HIVEP3: variants seen among roughly 807,000 people sequenced by gnomAD.
The protein encoded by HIVEP3 is HIVEP zinc finger 3, also known as transcription factor HIVEP3.
In HIVEP3, 49 loss-of-function variants were observed where a neutral mutation model predicts 152.8. The observed-to-expected ratio is 0.32, with a 90% CI of 0.26 to 0.41. HIVEP3 has a LOEUF of 0.41. HIVEP3 is among the 10% of genes least tolerant of loss of function. The pLI is 1.00. For missense variants in HIVEP3, 2,790 were observed against 3,103.3 expected (o/e 0.90, Z 2.40); for synonymous variants, 1,269 against 1,289.0 (o/e 0.98, Z 0.33).
At chr1:41,802,957 A>T (rs1650392253) in intron 1 of HIVEP3, among the ~76,000 whole-genome samples, 1 of 152,226 alleles carries the variant, frequency 6.6e-6, no homozygotes, top group Admixed American at 6.5e-5. Context: ...ACACGCTCAG[A>T]AACCCTAGGA....
intron 1 of HIVEP3, among the ~76,000 whole-genome samples, chr1:41,899,741 C>G (rs757138581): frequency 1.5e-4 from 23 of 152,304 alleles, no homozygotes; most frequent in Non-Finnish European, 2.4e-4. Flanking sequence ...ATGAAAGTGT[C>G]ACCTTCATTG....
At chr1:41,862,212 A>G (rs1014348380) in intron 1 of HIVEP3, among the ~76,000 whole-genome samples, 5 of 152,200 alleles carry the variant, frequency 3.3e-5, no homozygotes, top group Non-Finnish European at 5.9e-5. Context: ...GTGAAGTTTT[A>G]TCCACCAATG....
chr1:41,639,823 A>C (rs1387974574), intron 2 of HIVEP3, among the ~76,000 whole-genome samples: 1 of 152,154 alleles, frequency 6.6e-6, no homozygotes, highest in Non-Finnish European at 1.5e-5. Flanking sequence ...TCTCTCTCAC[A>C]TGGTAGCTGA....
At chr1:41,823,267 G>A (rs1642661540) in intron 1 of HIVEP3, among the ~76,000 whole-genome samples, 1 of 152,234 alleles carries the variant, frequency 6.6e-6, no homozygotes, top group Admixed American at 6.5e-5. Context: ...TTTAAACCAT[G>A]CAGTCTGTGG....
chr1:41,778,613 G>A (rs144374950), intron 1 of HIVEP3, among the ~76,000 whole-genome samples: 32 of 152,260 alleles, frequency 2.1e-4, no homozygotes, highest in African/African-American at 7.0e-4. Context: ...CTGAGCTCTC[G>A]CTTCATTCAT....
At chr1:41,569,636 T>G (rs1425752286) in intron 5 of HIVEP3, among the ~76,000 whole-genome samples, 1 of 152,172 alleles carries the variant, frequency 6.6e-6, no homozygotes, top group East Asian at 1.9e-4. Context: ...AAAAAAACTA[T>G]TAGAAAAGAA....
At chr1:41,993,993 A>C (rs1005928820) in intron 1 of HIVEP3, among the ~76,000 whole-genome samples, 1 of 111,036 alleles carries the variant, frequency 9.0e-6, no homozygotes, top group African/African-American at 3.6e-5. Context: ...CACTCTGGGG[A>C]CTGTTGTGGG....
chr1:41,806,814 C>T (rs1558286279), intron 1 of HIVEP3, among the ~76,000 whole-genome samples: 1 of 152,172 alleles, frequency 6.6e-6, no homozygotes, highest in African/African-American at 2.4e-5. Context: ...GGGTAGGGGG[C>T]TCCTAGCTCA....
At chr1:41,744,494 G>T (rs375487973) in intron 1 of HIVEP3, among the ~76,000 whole-genome samples, 1 of 152,248 alleles carries the variant, frequency 6.6e-6, no homozygotes, top group African/African-American at 2.4e-5. Context: ...GGCCAGATGG[G>T]AGACTTAGGA....
At chr1:41,944,991 C>T (rs1034445901) in intron 1 of HIVEP3, among the ~76,000 whole-genome samples, 1 of 152,128 alleles carries the variant, frequency 6.6e-6, no homozygotes, top group Non-Finnish European at 1.5e-5. Flanking sequence ...GGGGGAGAAA[C>T]CTGACCTCCT....
chr1:41,817,422 A>T (rs1642443714), intron 1 of HIVEP3, among the ~76,000 whole-genome samples: 1 of 152,132 alleles, frequency 6.6e-6, no homozygotes, highest in Non-Finnish European at 1.5e-5. Context: ...ATGGCAGAAA[A>T]CGGGGTGGAA....
intron 1 of HIVEP3, chr1:41,848,217 G>T (rs938374052): frequency 6.6e-5 from 10 of 152,150 alleles, no homozygotes; most frequent in African/African-American, 2.4e-4. Flanking sequence ...CAGTGCAGGA[G>T]GGAAGGTCTC....
At chr1:41,632,878 G>A (rs1478174337) in intron 2 of HIVEP3, among the ~76,000 whole-genome samples, 1 of 152,236 alleles carries the variant, frequency 6.6e-6, no homozygotes, top group African/African-American at 2.4e-5. Context: ...GCGACAGTGG[G>A]AGGTGCTGTG....
intron 1 of HIVEP3, among the ~76,000 whole-genome samples, chr1:41,834,681 T>C (rs1643070466): frequency 6.6e-6 from 1 of 152,190 alleles, no homozygotes; most frequent in Non-Finnish European, 1.5e-5. Flanking sequence ...GATTCAGTGA[T>C]GGACAAAACA....
intron 1 of HIVEP3, among the ~76,000 whole-genome samples, chr1:41,817,495 C>A (rs889943443): frequency 5.3e-5 from 8 of 152,120 alleles, no homozygotes; most frequent in African/African-American, 1.7e-4. Flanking sequence ...GAGGACACTG[C>A]CTGCTGCATG....
In HIVEP3 at chr1:41,722,177, G is replaced by A. The variant is rs147780160; in HGVS notation, c.-800-21182C>T. On this transcript the variant is annotated intron_variant, in intron 1 of 8. Transcript: ENST00000372583. ...GGAACTCTTGGTGTGTATCTCCTTCGCAGTGTGGACCACAATCAGCTTTGT... is the reference window on the plus strand; with the variant it reads ...GGAACTCTTGGTGTGTATCTCCTTCACAGTGTGGACCACAATCAGCTTTGT... Among the ~76,000 whole-genome samples, 269 of 152,096 alleles carry A rather than the reference G, an allele frequency of 1.8e-3. 1 individual carries two copies. The highest frequency in any genetic ancestry group is 4.6e-3 in the South Asian group (22 of 4,816).
At chr1:41,983,953 A>G (rs1177623777) in intron 1 of HIVEP3, among the ~76,000 whole-genome samples, 1 of 152,176 alleles carries the variant, frequency 6.6e-6, no homozygotes, top group African/African-American at 2.4e-5. Flanking sequence ...ACAATGAAGA[A>G]AAAAAATCCA....
At chr1:41,569,846 G>C (rs1333315694) in intron 5 of HIVEP3, among the ~76,000 whole-genome samples, 1 of 152,206 alleles carries the variant, frequency 6.6e-6, no homozygotes, top group Non-Finnish European at 1.5e-5. Context: ...AGAAATAGAT[G>C]AGATAGAAAA....
At chr1:41,910,015 CACTT>C (rs1012327754) in intron 1 of HIVEP3, among the ~76,000 whole-genome samples, 1 of 151,808 alleles carries the variant, frequency 6.6e-6, no homozygotes, top group African/African-American at 2.4e-5. Flanking sequence ...AAAAGCCAAA[CACTT>C]ACCTTAAAAA....
Sources: allele counts gnomAD v4.1 joint callset (sites outside exome capture counted in the v4.1 genomes callset), GRCh38; gene constraint gnomAD v4.1.1; transcripts MANE v1.5; gene names NCBI Gene and HGNC (gene_info 2026-07-23, HGNC 2026-07-21).